The following CDS2 variants were observed in gnomAD, a reference collection of about 807,000 sequenced individuals.
CDS2 encodes CDP-diacylglycerol synthase 2.
Under a neutral mutation model 59.0 loss-of-function variants are expected in CDS2, and 47 were observed. The ratio of observed to expected loss-of-function variants is 0.80; its 90% CI spans 0.63 to 1.02. The LOEUF (loss-of-function observed/expected upper bound fraction) is 1.02. CDS2 is among the 50% of genes least tolerant of loss of function. CDS2 has a pLI of 0.00. For synonymous variants in CDS2, 207 were observed against 206.4 expected (o/e 1.00, Z -0.02); for missense variants, 356 against 558.9 (o/e 0.64, Z 3.66).
At chr20:5,153,974 A>G (rs1387463865) in intron 1 of CDS2, among the ~76,000 whole-genome samples, 1 of 152,168 alleles carries the variant, frequency 6.6e-6, no homozygotes, top group Non-Finnish European at 1.5e-5. Context: ...CAGGTATGAC[A>G]AATGATGACT....
intron 1 of CDS2, among the ~76,000 whole-genome samples, chr20:5,135,450 T>G (rs964880045): frequency 4.0e-4 from 60 of 149,796 alleles, no homozygotes; most frequent in African/African-American, 1.5e-3. Context: ...GTACAGCTGT[T>G]TGTGTGTCAT....
At chr20:5,175,035 T>C (rs1260097222) in intron 2 of CDS2, 148 bp from the exon 3 acceptor site, 2 of 639,428 alleles carry the variant, frequency 3.1e-6, no homozygotes, top group East Asian at 5.4e-5. Context: ...CCTGCCAGCA[T>C]GTGGCTGGTG....
chr20:5,173,993 C>A (rs1253858714), intron 2 of CDS2, among the ~76,000 whole-genome samples: 1 of 152,216 alleles, frequency 6.6e-6, no homozygotes, highest in Non-Finnish European at 1.5e-5. Flanking sequence ...CACAGGAAAC[C>A]AGCCTTGGGT....
intron 1 of CDS2, among the ~76,000 whole-genome samples, chr20:5,134,617 T>A (rs978158785): frequency 6.6e-6 from 1 of 152,046 alleles, no homozygotes; most frequent in Non-Finnish European, 1.5e-5. Flanking sequence ...GCCTCCCGAG[T>A]TCAAGTGATT....
chr20:5,143,318 CT>C (rs2090710956), intron 1 of CDS2, among the ~76,000 whole-genome samples: 2 of 152,146 alleles, frequency 1.3e-5, no homozygotes, highest in Non-Finnish European at 2.9e-5. Context: ...GCAAGAGGAC[CT>C]TTCATAGACT....
chr20:5,183,206 C>G (rs536929097), intron 7 of CDS2, 63 bp downstream of exon 7: 14 of 1,379,044 alleles, frequency 1.0e-5, no homozygotes, highest in East Asian at 2.3e-5. Flanking sequence ...ACAGATACCC[C>G]CCTCTAAGCC....
Position 5,190,372 on chromosome 20 carries a change from AT to A in CDS2, c.*141del. The stretch of plus-strand genomic sequence containing the variant: ...TTTTTTTTTTTGGAGGGTATTTTTT[AT>A]TTGTGGGTTCAAAAAATCTGTATAT... On this transcript the variant is annotated 3_prime_UTR_variant, in exon 13 of 13. Coordinates refer to ENST00000460006, the MANE Select transcript of CDS2 (RefSeq NM_003818.4). The A allele has an allele frequency of 3.9e-6, 3 of 773,766 alleles. No homozygotes were observed. The highest frequency in any genetic ancestry group is 2.8e-5 in the East Asian group (1 of 35,306). The allele number at this position is 773,766 out of a possible 1,614,324, so 47.9% of individuals were successfully genotyped here.
intron 4 of CDS2, among the ~76,000 whole-genome samples, chr20:5,178,370 ATGTC>A (rs926653143): frequency 3.3e-5 from 5 of 152,202 alleles, no homozygotes; most frequent in African/African-American, 1.2e-4. Context: ...AGCAAAGAGA[ATGTC>A]AGGAGCAGGA....
In CDS2 at chr20:5,183,085, C is replaced by T; in HGVS notation, c.613C>T (p.Leu205=). The change falls in exon 7 of 13, where the codon CTG becomes TTG. Residue 205 remains leucine (L), a synonymous_variant. Coordinates refer to ENST00000460006, the MANE Select transcript of CDS2 (RefSeq NM_003818.4). ...GTTTGGCTGGACCCATGTGACATTG[C>T]TGATTGTTGTAACACAGTCACATCT... ...YMFGWTHVTL[L]IVVTQSHLVI... 1 of 1,614,020 alleles carries T rather than the reference C, an allele frequency of 6.2e-7. No homozygotes were observed. Among genetic ancestry groups the T allele is most frequent in the Non-Finnish European group, 8.5e-7 (1 of 1,179,930 alleles).
chr20:5,187,578 C>CA (rs1047224951), intron 10 of CDS2: 8 of 152,082 alleles, frequency 5.3e-5, no homozygotes, highest in Non-Finnish European at 1.0e-4. Flanking sequence ...GTGAGCCTAT[C>CA]ACTTTAAAGA....
At chr20:5,155,468 A>T (rs777617511) in intron 1 of CDS2, among the ~76,000 whole-genome samples, 4,536 of 152,326 alleles carry the variant, frequency 0.03, 96 homozygotes, top group Non-Finnish European at 0.047. Flanking sequence ...CTCTTACTGT[A>T]AATATAACTC....
rs1019399110 is a variant in CDS2 at position 5,191,780 on chromosome 20, A to G, written c.*1546A>G. On this transcript the variant is annotated 3_prime_UTR_variant, in exon 13 of 13. Coordinates refer to ENST00000460006, the MANE Select transcript of CDS2 (RefSeq NM_003818.4). Reference sequence around the variant, plus strand: ...GGGCTGAAGCGGCTTCTTTCCGCTGAACTTTTATTTCCATTTCAGCCTCGT... The same window carrying G: ...GGGCTGAAGCGGCTTCTTTCCGCTGGACTTTTATTTCCATTTCAGCCTCGT... The G allele has an allele frequency of 2.0e-5, 3 of 152,224 alleles. No homozygotes were observed. The highest frequency in any genetic ancestry group is 2.9e-5 in the Non-Finnish European group (2 of 68,046). The allele number at this position is 152,224 out of a possible 1,614,324, so 9.4% of individuals were successfully genotyped here.
rs2090947987 is a variant in CDS2, at chr20:5,170,485, C to G, written c.58-3038C>G. Reference sequence around the variant, plus strand: ...AGGTTCTTTCTCTCAGGTTTCTGTTCCCTTTGGCGTCCACAGGACATCAGG... The same window carrying G: ...AGGTTCTTTCTCTCAGGTTTCTGTTGCCTTTGGCGTCCACAGGACATCAGG... On this transcript the variant is annotated intron_variant, in intron 1 of 12. Coordinates refer to ENST00000460006, the MANE Select transcript of CDS2 (RefSeq NM_003818.4). 2.0e-5 allele frequency among the ~76,000 whole-genome samples: 3 copies of G among 152,232 alleles called. No homozygotes were observed. In the East Asian group the frequency reaches 5.8e-4, roughly 29 times the overall value.
intron 1 of CDS2, among the ~76,000 whole-genome samples, chr20:5,154,623 C>T (rs2090818679): frequency 1.3e-5 from 2 of 152,172 alleles, no homozygotes; most frequent in African/African-American, 4.8e-5. Flanking sequence ...CCAGTTGGCA[C>T]AAAGGACAGA....
At chr20:5,180,009 C>T (rs1471082542) in intron 5 of CDS2, among the ~76,000 whole-genome samples, 1 of 152,210 alleles carries the variant, frequency 6.6e-6, no homozygotes, top group Non-Finnish European at 1.5e-5. Flanking sequence ...GCAAAGGGGT[C>T]TGCTGCCATT....
In CDS2 at chr20:5,189,000, T is replaced by C. The variant is rs1045426594; in HGVS notation, c.982-67T>C. The C allele has an allele frequency of 2.5e-6, 4 of 1,598,164 alleles. No homozygotes were observed. The African/African-American group carries it at 4.0e-5, about 16-fold the overall frequency. On this transcript the variant is annotated intron_variant, in intron 10 of 12. Coordinates refer to ENST00000460006, the MANE Select transcript of CDS2 (RefSeq NM_003818.4). ...AATGAGGATCAAATTTCAACATGAG[T>C]TGACAACTCAAACCGTAACACTGGG...
intron 4 of CDS2, among the ~76,000 whole-genome samples, chr20:5,178,365 A>G (rs1295605623): frequency 1.3e-5 from 2 of 152,228 alleles, no homozygotes; most frequent in East Asian, 3.8e-4. Context: ...GGAGAAGCAA[A>G]GAGAATGTCA....
chr20:5,145,785 C>G (rs2090737257), intron 1 of CDS2, among the ~76,000 whole-genome samples: 1 of 149,808 alleles, frequency 6.7e-6, no homozygotes, highest in South Asian at 2.1e-4. Flanking sequence ...CTCCTATCTT[C>G]TGCAGGAAGT....
chr20:5,159,559 A>G (rs2090861040), intron 1 of CDS2, among the ~76,000 whole-genome samples: 1 of 152,144 alleles, frequency 6.6e-6, no homozygotes, highest in Non-Finnish European at 1.5e-5. Flanking sequence ...ATCAGAAGAA[A>G]ATTTTAGGTG....
Sources: gnomAD v4.1 joint callset for allele counts (sites outside exome capture counted in the v4.1 genomes callset) on GRCh38, gnomAD v4.1.1 for gene constraint, MANE v1.5 for transcripts, NCBI Gene and HGNC (gene_info 2026-07-23, HGNC 2026-07-21) for gene names.